Variants in ITGAM observed in about 807,000 individuals in gnomAD.
ITGAM encodes integrin alpha-M.
A neutral mutation model predicts 137.5 loss-of-function variants in ITGAM; 79 were observed. That is an observed-to-expected ratio of 0.57 (90% CI 0.48 to 0.69). ITGAM has a LOEUF of 0.69. Among genes scored for constraint, ITGAM ranks in the 30% least tolerant of loss-of-function variants. The pLI is 0.00. For synonymous variants in ITGAM, 583 were observed against 592.3 expected, an observed-to-expected ratio of 0.98 and a Z score of 0.23; for missense variants, 1,343 against 1,483.5, an observed-to-expected ratio of 0.91 and a Z score of 1.56.
At chr16:31,314,628 T>C (rs569215887) in intron 14 of ITGAM, among the ~76,000 whole-genome samples, 118 of 152,270 alleles carry the variant, frequency 7.7e-4, no homozygotes, top group Middle Eastern at 3.4e-3. Context: ...TTTTGGTTAC[T>C]GTAGCCTTGT....
chr16:31,261,873 T>C (rs2079703992), intron 2 of ITGAM, 76 bp downstream of exon 2: 1 of 805,660 alleles, frequency 1.2e-6, no homozygotes, highest in Admixed American at 2.3e-5. Flanking sequence ...AATCAGCGAT[T>C]TGAGTGATCT....
chr16:31,262,511 T>C (rs1251036297), intron 2 of ITGAM, among the ~76,000 whole-genome samples: 1 of 151,728 alleles, frequency 6.6e-6, no homozygotes, highest in Non-Finnish European at 1.5e-5. Context: ...CAAGCAATCC[T>C]CCCACCTTAG....
rs754537226 is a variant in ITGAM, at chr16:31,265,803, C to T, written c.239-8C>T. 3.1e-6 allele frequency: 5 copies of T among 1,613,438 alleles called. No homozygotes were observed. Among genetic ancestry groups the T allele is most frequent in the African/African-American group, 1.3e-5 (1 of 75,036 alleles). ...CCAGGGTGACCATGCCCATATCTGT[C>T]CCCGCAGTCCCCGTGGAGGCCGTGA... On this transcript the variant is annotated splice_region_variant and splice_polypyrimidine_tract_variant and intron_variant, in intron 3 of 29. Coordinates refer to ENST00000544665, the MANE Select transcript of ITGAM (RefSeq NM_000632.4).
intron 23 of ITGAM, 74 bp downstream of exon 23, chr16:31,328,304 G>A (rs28372932): frequency 0.34 from 382,338 of 1,131,504 alleles, 72,861 homozygotes; most frequent in East Asian, 0.75. Flanking sequence ...CTGTGTGCAT[G>A]AGTCTGTGCA....
intron 12 of ITGAM, among the ~76,000 whole-genome samples, chr16:31,290,241 G>T (rs182014363): frequency 6.6e-6 from 1 of 152,186 alleles, no homozygotes; most frequent in African/African-American, 2.4e-5. Flanking sequence ...GTTTCCAGGG[G>T]CTGGGGGTTG....
intron 29 of ITGAM, 146 bp downstream of exon 29, chr16:31,331,421 G>T: frequency 1.5e-6 from 1 of 675,150 alleles, no homozygotes; most frequent in Non-Finnish European, 2.6e-6. Flanking sequence ...TCTTAGGGAG[G>T]GTGGCCGGGT....
At chr16:31,301,642 A>T (rs1021270642) in intron 14 of ITGAM, among the ~76,000 whole-genome samples, 1 of 152,230 alleles carries the variant, frequency 6.6e-6, no homozygotes, top group Non-Finnish European at 1.5e-5. Context: ...AGTTGATCAC[A>T]GCATAATGAA....
At chr16:31,328,113 C>T (rs1005523136) in intron 22 of ITGAM, 34 bp from the exon 23 acceptor site, 5 of 1,554,734 alleles carry the variant, frequency 3.2e-6, no homozygotes, top group Non-Finnish European at 4.4e-6. Flanking sequence ...TGTCAGTTCT[C>T]AAGAGCCGGC....
At chr16:31,331,056 G>C (rs2080575365) in intron 28 of ITGAM, 109 bp from the exon 29 acceptor site, 1 of 637,154 alleles carries the variant, frequency 1.6e-6, no homozygotes. Flanking sequence ...GGGGTTCTGG[G>C]GGACATGAGG....
In ITGAM at chr16:31,284,577, G is replaced by A. The variant is rs185013345; in HGVS notation, c.1356+6468G>A. On this transcript the variant is annotated intron_variant, in intron 12 of 29. Coordinates refer to ENST00000544665, the MANE Select transcript of ITGAM (RefSeq NM_000632.4). ...GCCATTTGCTAAGACCATTGGAAAA[G>A]TGCAGTATTAGGGTGGGAGTGTCCC... Among the ~76,000 whole-genome samples, 713 of 152,284 alleles carry A rather than the reference G, an allele frequency of 4.7e-3. 4 individuals carry two copies. The highest frequency in any genetic ancestry group is 7.7e-3 in the Non-Finnish European group (525 of 68,022).
intron 8 of ITGAM, 65 bp downstream of exon 8, chr16:31,273,583 T>G: frequency 6.7e-7 from 1 of 1,499,364 alleles, no homozygotes; most frequent in South Asian, 1.2e-5. Flanking sequence ...CATCCTCCCT[T>G]CAATTTGCAA....
rs774660813 is a variant in ITGAM at position 31,276,902 on chromosome 16, G to A, written c.1084-18G>A. On this transcript the variant is annotated intron_variant, in intron 10 of 29. Transcript: ENST00000544665. ...CCCTTCTTCCTTCCTCATCAACCCTGTTCTACACCTTTCCCAGAATGGCCC... is the reference window on the plus strand; with the variant it reads ...CCCTTCTTCCTTCCTCATCAACCCTATTCTACACCTTTCCCAGAATGGCCC... The A allele has an allele frequency of 6.2e-7, 1 of 1,608,968 alleles. No homozygotes were observed. Among genetic ancestry groups the A allele is most frequent in the Non-Finnish European group, 8.5e-7 (1 of 1,177,362 alleles).
In ITGAM at chr16:31,324,487, C is replaced by A; in HGVS notation, c.2091C>A (p.Ser697Arg). ...CCGTCTTCAATGAGACAAAGAACAG[C>A]ACACGCAGACAGACACAGGTCTTGG... ...SRAVFNETKN[S>R]TRRQTQVLGL... The change falls in exon 17 of 30, where the codon AGC (serine) becomes AGA (arginine). Residue 697 changes from serine to arginine, a missense_variant. Coordinates refer to ENST00000544665, the MANE Select transcript of ITGAM (RefSeq NM_000632.4). The surrounding 1 kb of genome is among the most constrained non-coding windows in gnomAD (Gnocchi z 4.5). 6.3e-7 allele frequency: 1 copy of A among 1,594,516 alleles called. No individual in the cohort carries two copies. Among genetic ancestry groups the A allele is most frequent in the East Asian group, 2.3e-5 (1 of 43,900 alleles).
In ITGAM at chr16:31,331,625, C is replaced by G. The variant is rs750085294; in HGVS notation, c.3388-11C>G. 5 of 1,602,058 alleles carry G rather than the reference C, an allele frequency of 3.1e-6. No individual in the cohort carries two copies. The highest frequency in any genetic ancestry group is 3.4e-6 in the Non-Finnish European group (4 of 1,174,618). On this transcript the variant is annotated splice_polypyrimidine_tract_variant and intron_variant, in intron 29 of 29. Transcript: ENST00000544665. The stretch of plus-strand genomic sequence containing the variant: ...CTGCTGTCGCTCTCACTGCCCTCCT[C>G]TGCCCCGCAGCTCGGCTTCTTCAAG...
chr16:31,329,350 A>G, intron 24 of ITGAM, 47 bp downstream of exon 24: 1 of 1,335,794 alleles, frequency 7.5e-7, no homozygotes, highest in African/African-American at 1.4e-5. Context: ...CTGGGGAGGA[A>G]AATCGATGGT....
chr16:31,312,871 GT>G (rs1278190414), intron 14 of ITGAM, among the ~76,000 whole-genome samples: 2 of 98,038 alleles, frequency 2.0e-5, no homozygotes, highest in Non-Finnish European at 4.7e-5. Context: ...GTAGGGAGCA[GT>G]CTTTTTTTTT....
chr16:31,293,909 T>C (rs1252425093), intron 12 of ITGAM, among the ~76,000 whole-genome samples: 1 of 152,164 alleles, frequency 6.6e-6, no homozygotes, highest in Non-Finnish European at 1.5e-5. Flanking sequence ...ATCTCTGATT[T>C]CTTTGAACAG....
At chr16:31,317,172 G>T (rs1303566415) in intron 14 of ITGAM, among the ~76,000 whole-genome samples, 1 of 152,086 alleles carries the variant, frequency 6.6e-6, no homozygotes, top group Admixed American at 6.5e-5. Context: ...TCCTTGCCTT[G>T]TTCCTAATTT....
At position 31,278,022 on chromosome 16, in the gene ITGAM, A is replaced by G. The variant is rs1056408457; in HGVS notation, c.1269A>G (p.Ala423=). 3 of 1,606,024 alleles carry G rather than the reference A, an allele frequency of 1.9e-6. No homozygotes were observed. The African/African-American group carries it at 4.0e-5, about 21-fold the overall frequency. ...GGGTGCAAAGCCTGGTTCTGGGGGC[A>G]CCTCGATATCAGCACATCGGCCTGG... ...RNRVQSLVLG[A]PRYQHIGLVA... The change falls in exon 12 of 30, where the codon GCA becomes GCG. Residue 423 remains alanine, a synonymous_variant. Transcript: ENST00000544665.
Sources: gnomAD v4.1 joint callset for allele counts (sites outside exome capture counted in the v4.1 genomes callset) on GRCh38, gnomAD v4.1.1 for gene constraint, Gnocchi (gnomAD v3.1) non-coding constraint, MANE v1.5 for transcripts, NCBI Gene and HGNC (gene_info 2026-07-23, HGNC 2026-07-21) for gene names.